THSD1: variants seen among roughly 807,000 people sequenced by gnomAD.
THSD1 encodes thrombospondin type 1 domain containing 1.
Under a neutral mutation model 46.3 loss-of-function variants are expected in THSD1, and 34 were observed. That is an observed-to-expected ratio of 0.74 (90% CI 0.56 to 0.98). The LOEUF is 0.98. Among genes scored for constraint, THSD1 ranks in the 50% least tolerant of loss-of-function variants. The pLI, the probability that THSD1 is intolerant of heterozygous loss-of-function variation, is 0.00. For synonymous variants in THSD1, 407 were observed against 416.5 expected (o/e 0.98, Z 0.28); for missense variants, 1,023 against 1,058.3 (o/e 0.97, Z 0.46).
chr13:52,399,781 G>A (rs1957839909), intron 2 of THSD1, among the ~76,000 whole-genome samples: 1 of 152,192 alleles, frequency 6.6e-6, no homozygotes, highest in African/African-American at 2.4e-5. Flanking sequence ...GTTGAGGAAG[G>A]TGGCTGATTC....
Position 52,398,121 on chromosome 13 carries a change from C to T in THSD1, c.132G>A (p.Val44=). The T allele has an allele frequency of 6.2e-7, 1 of 1,614,162 alleles. No individual in the cohort carries two copies. Among genetic ancestry groups the T allele is most frequent in the South Asian group, 1.1e-5 (1 of 91,082 alleles). The change falls in exon 3 of 5, where the codon GTG becomes GTA. Residue 44 remains valine, a synonymous_variant. Coordinates refer to ENST00000258613, the MANE Select transcript of THSD1 (RefSeq NM_018676.4). ...HVALSNDTVY[V]DFQYFDGANG... is the part of the protein sequence containing the mutation. ...TAGCACCATCAAAATACTGGAAATC[C>T]ACATACACTGTGTCGTTGCTTAGTG...
intron 4 of THSD1, among the ~76,000 whole-genome samples, chr13:52,379,247 T>C (rs1319125401): frequency 6.6e-6 from 1 of 152,148 alleles, no homozygotes; most frequent in Non-Finnish European, 1.5e-5. Context: ...AGTTAAGGAA[T>C]GATGGAAAAT....
chr13:52,397,548 G>A lies in THSD1; in HGVS notation c.705C>T (p.Asp235=). 2 of 1,614,152 alleles carry A rather than the reference G, an allele frequency of 1.2e-6. No homozygotes were observed. Among genetic ancestry groups the A allele is most frequent in the Non-Finnish European group, 8.5e-7 (1 of 1,180,032 alleles). ...DSVITSTGPI[D]LAQKFGYKLV... ...GTTTGTATCCAAATTTCTGGGCCAGGTCAATGGGTCCTGTGGAGGTAATGA... is the reference window on the plus strand; with the variant it reads ...GTTTGTATCCAAATTTCTGGGCCAGATCAATGGGTCCTGTGGAGGTAATGA... The change falls in exon 3 of 5, where the codon GAC becomes GAT. Residue 235 remains aspartate, a synonymous_variant. Coordinates refer to ENST00000258613, the MANE Select transcript of THSD1 (RefSeq NM_018676.4).
intron 1 of THSD1, chr13:52,402,929 C>G: frequency 1.0e-6 from 1 of 985,368 alleles, no homozygotes; most frequent in Non-Finnish European, 1.2e-6. Context: ...TGCACAACAC[C>G]AAAGTCTCTT....
chr13:52,388,886 A>G (rs1414401534), intron 3 of THSD1, among the ~76,000 whole-genome samples: 1 of 152,190 alleles, frequency 6.6e-6, no homozygotes, highest in Non-Finnish European at 1.5e-5. Context: ...CTTATACTAC[A>G]TGTGAAGCAA....
intron 2 of THSD1, among the ~76,000 whole-genome samples, chr13:52,402,233 A>G (rs2137750454): frequency 6.6e-6 from 1 of 152,366 alleles, no homozygotes; most frequent in East Asian, 1.9e-4. Context: ...GAAGTGATTT[A>G]TCACACTTAA....
At chr13:52,388,272 T>C in intron 3 of THSD1, among the ~76,000 whole-genome samples, 1 of 152,010 alleles carries the variant, frequency 6.6e-6, no homozygotes, top group East Asian at 1.9e-4. Flanking sequence ...ATCATGCATG[T>C]ATTACTAGCA....
At chr13:52,387,260 C>T (rs972513987) in intron 3 of THSD1, among the ~76,000 whole-genome samples, 2 of 152,168 alleles carry the variant, frequency 1.3e-5, no homozygotes, top group Admixed American at 1.3e-4. Context: ...GTGATAAGCA[C>T]TGAGGGTAGC....
intron 3 of THSD1, among the ~76,000 whole-genome samples, chr13:52,395,854 G>A (rs989765562): frequency 1.3e-5 from 2 of 152,164 alleles, no homozygotes; most frequent in African/African-American, 4.8e-5. Context: ...CCCTGCCAAG[G>A]GTGAAAGCAT....
In THSD1 at chr13:52,377,220, T is replaced by C. The variant is rs974235326; in HGVS notation, c.*191A>G. ...TTATTACTAATAAATCAATAGAAAT[T>C]GAATAACAAAGGAAAAAGCTCAAGA... On this transcript the variant is annotated 3_prime_UTR_variant, in exon 5 of 5. Transcript: ENST00000258613. 1 of 1,318,934 alleles carries C rather than the reference T, an allele frequency of 7.6e-7. No individual in the cohort carries two copies. Among genetic ancestry groups the C allele is most frequent in the African/African-American group, 1.5e-5 (1 of 68,228 alleles). 81.7% of individuals were successfully genotyped at this position (1,318,934 alleles called of 1,614,324 possible).
intron 3 of THSD1, among the ~76,000 whole-genome samples, chr13:52,392,568 C>A (rs2137738370): frequency 6.6e-6 from 1 of 152,338 alleles, no homozygotes; most frequent in East Asian, 1.9e-4. Flanking sequence ...CATGTGCTCA[C>A]ACTACATAAC....
intron 3 of THSD1, among the ~76,000 whole-genome samples, chr13:52,389,295 A>G (rs1327359099): frequency 2.0e-5 from 3 of 152,180 alleles, no homozygotes; most frequent in African/African-American, 7.2e-5. Context: ...TAAATAATAA[A>G]CCAATAGTGT....
chr13:52,390,120 A>G (rs1176380946), intron 3 of THSD1, among the ~76,000 whole-genome samples: 1 of 149,302 alleles, frequency 6.7e-6, no homozygotes, highest in Non-Finnish European at 1.5e-5. Context: ...CAGCCTTGGC[A>G]GCAGAGTGAG....
In THSD1 at chr13:52,378,731, GT is replaced by G; in HGVS notation, c.1238del (p.Asn413ThrfsTer3). The G allele has an allele frequency of 6.2e-7, 1 of 1,613,292 alleles. No homozygotes were observed. Among genetic ancestry groups the G allele is most frequent in the Non-Finnish European group, 8.5e-7 (1 of 1,180,018 alleles). On this transcript the variant is annotated frameshift_variant, in exon 5 of 5. Transcript: ENST00000258613. LOFTEE classifies it low-confidence loss of function (END_TRUNC). The part of the protein sequence containing the change: ...LQPQGPVKSN[N>X]IVTVTGISLC... The stretch of plus-strand genomic sequence containing the variant: ...AGGATATACCAGTGACAGTCACGAT[GT>G]TGTTGGACTTCACTGGACCCTGGGG...
intron 3 of THSD1, among the ~76,000 whole-genome samples, chr13:52,388,050 A>T (rs2137732842): frequency 6.6e-6 from 1 of 152,234 alleles, no homozygotes; most frequent in Non-Finnish European, 1.5e-5. Context: ...CTGTGGCTGA[A>T]GGGTGGGAGA....
At position 52,397,454 on chromosome 13, in the gene THSD1, A is replaced by G; in HGVS notation, c.799T>C (p.Phe267Leu). The G allele has an allele frequency of 6.2e-7, 1 of 1,614,116 alleles. No homozygotes were observed. Among genetic ancestry groups the G allele is most frequent in the Non-Finnish European group, 8.5e-7 (1 of 1,180,024 alleles). The change falls in exon 3 of 5, where the codon TTC becomes CTC. Residue 267 changes from phenylalanine (F) to leucine (L), a missense_variant. Around this residue, in one of 3 missense-constraint regions of THSD1, gnomAD observed 429 missense variants for 518.3 expected, o/e 0.83. Transcript: ENST00000258613. ...EVTVLPPPCT[F>L]VQGVVTVFKE... ...AAGACAGTGACCACTCCTTGGACGAAGGTGCATGGTGGAGGCAGCACTGTC... is the reference window on the plus strand; with the variant it reads ...AAGACAGTGACCACTCCTTGGACGAGGGTGCATGGTGGAGGCAGCACTGTC...
At chr13:52,381,522 T>C (rs759952775) in intron 4 of THSD1, among the ~76,000 whole-genome samples, 15 of 152,184 alleles carry the variant, frequency 9.9e-5, no homozygotes, top group Non-Finnish European at 2.1e-4. Flanking sequence ...ATAGAAGCCA[T>C]CAGGCAAGTA....
At chr13:52,387,853 T>C (rs1957745039) in intron 3 of THSD1, among the ~76,000 whole-genome samples, 1 of 152,102 alleles carries the variant, frequency 6.6e-6, no homozygotes, top group East Asian at 1.9e-4. Context: ...CCCATACATG[T>C]AATTGGAATA....
At position 52,397,628 on chromosome 13, in the gene THSD1, A is replaced by G. The variant is rs755739795; in HGVS notation, c.625T>C (p.Leu209=). The change falls in exon 3 of 5, where the codon TTG becomes CTG. Residue 209 remains leucine, a synonymous_variant. Coordinates refer to ENST00000258613, the MANE Select transcript of THSD1 (RefSeq NM_018676.4). ...GQWVEFGCAP[L]GPEAYVTVVL... The stretch of plus-strand genomic sequence containing the variant: ...ACGGTGACATAGGCTTCTGGCCCCA[A>G]GGGTGCACAGCCAAACTCAACCCAC... 2 of 1,614,208 alleles carry G rather than the reference A, an allele frequency of 1.2e-6. No homozygotes were observed. The highest frequency in any genetic ancestry group is 1.7e-6 in the Non-Finnish European group (2 of 1,180,036).
Sources: gnomAD v4.1 joint callset for allele counts (sites outside exome capture counted in the v4.1 genomes callset) on GRCh38, gnomAD v4.1.1 for gene constraint, gnomAD v4.1.1 regional missense constraint, MANE v1.5 for transcripts, NCBI Gene and HGNC (gene_info 2026-07-23, HGNC 2026-07-21) for gene names.